The following SPATA6 variants were observed in gnomAD, a reference collection of about 807,000 sequenced individuals.
SPATA6 encodes spermatogenesis associated 6.
Under a neutral mutation model 65.3 loss-of-function variants are expected in SPATA6, and 56 were observed. The observed-to-expected ratio is 0.86, with a 90% CI of 0.69 to 1.07. SPATA6 has a LOEUF of 1.07. SPATA6 is among the 50% of genes least tolerant of loss of function. The pLI is 0.00. For synonymous variants in SPATA6, 199 were observed against 213.2 expected (o/e 0.93, Z 0.58); for missense variants, 590 against 594.8 (o/e 0.99, Z 0.08).
intron 1 of SPATA6, among the ~76,000 whole-genome samples, chr1:48,453,786 A>C (rs1656787138): frequency 6.6e-6 from 1 of 152,068 alleles, no homozygotes; most frequent in Non-Finnish European, 1.5e-5. Context: ...CAGTGCCTAG[A>C]ACAGTCCACA....
At chr1:48,275,496 T>G in the SPATA6 span, among the ~76,000 whole-genome samples, 1 of 152,148 alleles carries the variant, frequency 6.6e-6, no homozygotes, top group Non-Finnish European at 1.5e-5. Flanking sequence ...TAGCTCTTAT[T>G]ATTTTGAGAT....
intron 12 of SPATA6, 142 bp downstream of exon 12, chr1:48,305,645 A>G (rs1428376736): frequency 1.8e-6 from 1 of 570,942 alleles, no homozygotes; most frequent in East Asian, 3.4e-5. Flanking sequence ...TAATGCAAAC[A>G]TTAAAATTTT....
chr1:48,270,072 T>C, the SPATA6 span, among the ~76,000 whole-genome samples: 6 of 152,128 alleles, frequency 3.9e-5, no homozygotes, highest in African/African-American at 7.2e-5. Context: ...CTTCTTTAAA[T>C]TTTTACTGAA....
At chr1:48,277,679 G>A in the SPATA6 span, among the ~76,000 whole-genome samples, 1 of 151,848 alleles carries the variant, frequency 6.6e-6, no homozygotes, top group African/African-American at 2.4e-5. Flanking sequence ...CAGCTGGGAA[G>A]CTCGAACTGG....
At chr1:48,366,765 T>C (rs1647030850) in intron 9 of SPATA6, among the ~76,000 whole-genome samples, 1 of 152,186 alleles carries the variant, frequency 6.6e-6, no homozygotes, top group Non-Finnish European at 1.5e-5. Context: ...TTCATTGATT[T>C]TTTGAAGGGT....
chr1:48,382,696 G>C, intron 9 of SPATA6, among the ~76,000 whole-genome samples: 1 of 65,922 alleles, frequency 1.5e-5, no homozygotes, highest in African/African-American at 5.4e-5. Flanking sequence ...TCACTTTCCA[G>C]TAGGGGCGGC....
At chr1:48,350,346 A>G (rs1646483029) in intron 11 of SPATA6, among the ~76,000 whole-genome samples, 1 of 147,772 alleles carries the variant, frequency 6.8e-6, no homozygotes, top group South Asian at 2.2e-4. Flanking sequence ...TAACTCATAT[A>G]TGTGATTTTA....
intron 11 of SPATA6, among the ~76,000 whole-genome samples, chr1:48,318,250 A>G (rs575102381): frequency 1.1e-4 from 17 of 152,208 alleles, no homozygotes; most frequent in African/African-American, 3.1e-4. Flanking sequence ...CCCCACTTCT[A>G]TTCAGCAGTA....
chr1:48,348,616 T>G (rs1646434387), intron 11 of SPATA6, among the ~76,000 whole-genome samples: 2 of 151,992 alleles, frequency 1.3e-5, no homozygotes, highest in Admixed American at 6.6e-5. Context: ...CTAGCAACTT[T>G]CATTGGAAAA....
At chr1:48,308,625 G>C (rs377223091) in intron 11 of SPATA6, among the ~76,000 whole-genome samples, 1 of 152,080 alleles carries the variant, frequency 6.6e-6, no homozygotes, top group African/African-American at 2.4e-5. Flanking sequence ...AGTATTTCTT[G>C]TAGTGCAGAT....
chr1:48,420,634 T>C (rs1030954997), intron 3 of SPATA6, among the ~76,000 whole-genome samples: 1 of 152,168 alleles, frequency 6.6e-6, no homozygotes. Flanking sequence ...TCTGTGTTGA[T>C]GATTGTTGTG....
intron 3 of SPATA6, among the ~76,000 whole-genome samples, chr1:48,439,509 C>G (rs1176217325): frequency 6.6e-6 from 1 of 151,972 alleles, no homozygotes; most frequent in Admixed American, 6.5e-5. Context: ...GTGAGTGCAA[C>G]TAGTCCGATC....
chr1:48,389,903 C>G (rs768558504), intron 8 of SPATA6, among the ~76,000 whole-genome samples: 3 of 151,994 alleles, frequency 2.0e-5, no homozygotes, highest in Admixed American at 6.6e-5. Flanking sequence ...CACGGTACAA[C>G]CACAGATAAC....
chr1:48,310,077 CT>C (rs1004640245), intron 11 of SPATA6, among the ~76,000 whole-genome samples: 4 of 152,216 alleles, frequency 2.6e-5, no homozygotes, highest in Non-Finnish European at 4.4e-5. Flanking sequence ...TCAAAGCCCC[CT>C]ATGCACACAT....
At chr1:48,364,180 T>A in intron 9 of SPATA6, among the ~76,000 whole-genome samples, 1 of 152,250 alleles carries the variant, frequency 6.6e-6, no homozygotes, top group Non-Finnish European at 1.5e-5. Context: ...ATGTGCCACA[T>A]TTTCTTAATC....
rs1181993226 is a variant in SPATA6, at chr1:48,411,341, CAATT to C, written c.405+119_405+122del. 132 of 1,115,586 alleles carry C rather than the reference CAATT, an allele frequency of 1.2e-4. No homozygotes were observed. In the Middle Eastern group the frequency reaches 2.2e-3, roughly 18 times the overall value. The allele number at this position is 1,115,586 out of a possible 1,614,324, so 69.1% of individuals were successfully genotyped here. ...AACAATTAAGATTTAAACTACAAAACAATTAAGTAAACTAAATTACACTTTGAAT... is the reference window on the plus strand; with the variant it reads ...AACAATTAAGATTTAAACTACAAAACAAGTAAACTAAATTACACTTTGAAT... On this transcript the variant is annotated intron_variant, in intron 5 of 12. Coordinates refer to ENST00000371847, the MANE Select transcript of SPATA6 (RefSeq NM_019073.4).
At chr1:48,267,091 A>G in the SPATA6 span, among the ~76,000 whole-genome samples, 1 of 152,066 alleles carries the variant, frequency 6.6e-6, no homozygotes, top group Admixed American at 6.5e-5. Context: ...AATAAATATT[A>G]TTTATAGAGC....
chr1:48,286,111 T>TCCA, the SPATA6 span, among the ~76,000 whole-genome samples: 5 of 152,304 alleles, frequency 3.3e-5, no homozygotes, highest in South Asian at 1.0e-3. Context: ...ATGTGATGCC[T>TCCA]CCAGCTTCCT....
intron 11 of SPATA6, among the ~76,000 whole-genome samples, chr1:48,337,998 G>C (rs1413111030): frequency 6.6e-6 from 1 of 151,874 alleles, no homozygotes; most frequent in East Asian, 1.9e-4. Flanking sequence ...AAAGAACCAA[G>C]AATAGGAAAA....
Sources: allele counts gnomAD v4.1 joint callset (sites outside exome capture counted in the v4.1 genomes callset), GRCh38; gene constraint gnomAD v4.1.1; transcripts MANE v1.5; gene names NCBI Gene and HGNC (gene_info 2026-07-23, HGNC 2026-07-21).